Variants in COL23A1 observed in about 807,000 individuals in gnomAD.
COL23A1 encodes the protein collagen alpha-1(XXIII) chain.
COL23A1 carries 97 observed loss-of-function variants against 99.3 expected under a neutral mutation model. The observed-to-expected ratio is 0.98, with a 90% confidence interval of 0.83 to 1.16. The LOEUF is 1.16. COL23A1 is among the 50% of genes most tolerant of loss of function. COL23A1 has a pLI of 0.00. For missense variants in COL23A1, 762 were observed against 757.4 expected (o/e 1.01, Z -0.07); for synonymous variants, 320 against 308.2 (o/e 1.04, Z -0.40).
At chr5:178,311,932 TG>T (rs1273890099) in intron 2 of COL23A1, among the ~76,000 whole-genome samples, 1 of 151,992 alleles carries the variant, frequency 6.6e-6, no homozygotes, top group East Asian at 1.9e-4. Flanking sequence ...AGTTTCACCA[TG>T]TTGGCCAGGC....
Position 178,434,598 on chromosome 5 carries a change from G to A in COL23A1, c.361+126084C>T, listed in dbSNP as rs996995237. 1.3e-5 allele frequency among the ~76,000 whole-genome samples: 2 copies of A among 152,232 alleles called. No individual in the cohort carries two copies. The highest frequency in any genetic ancestry group is 4.8e-5 in the African/African-American group (2 of 41,460). On this transcript the variant is annotated intron_variant, in intron 2 of 28. Coordinates refer to ENST00000390654, the MANE Select transcript of COL23A1 (RefSeq NM_173465.4). The surrounding 1 kb of genome is among the most constrained non-coding windows in gnomAD (Gnocchi z 4.3). ...TGGCGCTCTTCCTGGGACCCCAGCT[G>A]GGCGCCTGGCCTTGCATCCCAGGTG...
chr5:178,432,210 G>C (rs1458302546), intron 2 of COL23A1, among the ~76,000 whole-genome samples: 1 of 152,162 alleles, frequency 6.6e-6, no homozygotes, highest in Non-Finnish European at 1.5e-5. Flanking sequence ...TCAGGAAAAA[G>C]TCCTCACATT....
rs542957471 is a variant in COL23A1 at position 178,291,548 on chromosome 5, T to C, written c.407-1179A>G. 3.3e-5 allele frequency among the ~76,000 whole-genome samples: 5 copies of C among 152,288 alleles called. No individual in the cohort carries two copies. In the South Asian group the frequency reaches 1.0e-3, roughly 32 times the overall value. On this transcript the variant is annotated intron_variant, in intron 3 of 28. Transcript: ENST00000390654. ...TTGAGGATCCAGGAGAAGTGAAGGC[T>C]GCTGCAGCAGCGGGAGGGCCGGAGA...
intron 25 of COL23A1, among the ~76,000 whole-genome samples, chr5:178,245,453 A>G (rs1483932318): frequency 6.8e-6 from 1 of 147,330 alleles, no homozygotes; most frequent in Non-Finnish European, 1.5e-5. Context: ...TTCTTCCATT[A>G]TCCATCCACC....
chr5:178,441,903 G>T (rs1400676233), intron 2 of COL23A1, among the ~76,000 whole-genome samples: 1 of 152,146 alleles, frequency 6.6e-6, no homozygotes, highest in African/African-American at 2.4e-5. Context: ...GGAGGACTGG[G>T]GTTTTGTGGA....
chr5:178,375,019 C>T (rs750855563), intron 2 of COL23A1, among the ~76,000 whole-genome samples: 1 of 152,128 alleles, frequency 6.6e-6, no homozygotes, highest in Non-Finnish European at 1.5e-5. Context: ...TGGCGACAAC[C>T]GAAATCACCG....
In COL23A1 at chr5:178,348,268, G is replaced by A. The variant is rs940504830; in HGVS notation, c.362-41349C>T. 3.3e-5 allele frequency among the ~76,000 whole-genome samples: 5 copies of A among 152,280 alleles called. No individual in the cohort carries two copies. In the East Asian group the frequency reaches 7.7e-4, roughly 24 times the overall value. ...CTCTGTGTTCCCACGCACTCGGGGC[G>A]ACTCTGGGCTATGATCACCTGCTTT... is the stretch of plus-strand genomic sequence containing the variant. On this transcript the variant is annotated intron_variant, in intron 2 of 28. Transcript: ENST00000390654.
chr5:178,311,507 C>CTTTCCTCT (rs1554136344), intron 2 of COL23A1, among the ~76,000 whole-genome samples: 1 of 26,062 alleles, frequency 3.8e-5, no homozygotes, highest in South Asian at 1.3e-3. Flanking sequence ...TGTGTGTGTG[C>CTTTCCTCT]GCGTGTGTGT....
At chr5:178,277,441 G>A (rs955548800) in intron 5 of COL23A1, among the ~76,000 whole-genome samples, 8 of 152,218 alleles carry the variant, frequency 5.3e-5, no homozygotes, top group African/African-American at 1.4e-4. Context: ...TTACATAAAC[G>A]TCCAGAGTTT....
chr5:178,263,322 T>C lies in COL23A1; in HGVS notation c.525A>G (p.Gly175=), dbSNP rs764742451. The change falls in exon 9 of 29, where the codon GGA becomes GGG. Residue 175 remains glycine, a splice_region_variant and synonymous_variant. Transcript: ENST00000390654. The stretch of plus-strand genomic sequence containing the variant: ...CAGCAGCTCCATCTTGTCCTTGGTC[T>C]CCCTGAAAGAGATGGGGCTTGGCAT... ...KGAPGDFGPR[G]DQGQDGAAGP... The C allele has an allele frequency of 6.3e-7, 1 of 1,582,104 alleles. No homozygotes were observed. Among genetic ancestry groups the C allele is most frequent in the Middle Eastern group, 1.8e-4 (1 of 5,432 alleles).
At chr5:178,269,154 AC>A (rs1368301303) in intron 6 of COL23A1, among the ~76,000 whole-genome samples, 4 of 152,112 alleles carry the variant, frequency 2.6e-5, no homozygotes, top group Non-Finnish European at 5.9e-5. Flanking sequence ...CAGGCAGTAG[AC>A]AGAGATTCTC....
intron 16 of COL23A1, among the ~76,000 whole-genome samples, chr5:178,253,291 C>T (rs2973750): frequency 6.6e-6 from 1 of 150,750 alleles, no homozygotes; most frequent in African/African-American, 2.4e-5. Context: ...TCCCCTCCCA[C>T]CTCCCTATCC....
chr5:178,269,350 C>T (rs1406729804), intron 6 of COL23A1, among the ~76,000 whole-genome samples: 4 of 38,462 alleles, frequency 1.0e-4, no homozygotes, highest in Non-Finnish European at 1.7e-4. Context: ...CATCCATCCA[C>T]CCACCCACCC....
rs1480481254 is a variant in COL23A1, at chr5:178,403,127, T to TAA, written c.362-96210_362-96209dup. ...CCATCTCAAAAAAAAAAAAAATAAATAAATAAAAAATAAATACCATTTACC... is the reference window on the plus strand; with the variant it reads ...CCATCTCAAAAAAAAAAAAAATAAATAAAAATAAAAAATAAATACCATTTACC... On this transcript the variant is annotated intron_variant, in intron 2 of 28. Transcript: ENST00000390654. 1.5e-4 allele frequency among the ~76,000 whole-genome samples: 8 copies of TAA among 52,804 alleles called. 1 individual carries two copies. Among genetic ancestry groups the TAA allele is most frequent in the African/African-American group, 6.8e-4 (8 of 11,716 alleles). 34.6% of individuals were successfully genotyped at this position (52,804 alleles called of 152,430 possible). A position where few individuals can be genotyped will look rare whatever the true frequency, so the allele number is the denominator to read the frequency against.
chr5:178,510,664 CAAT>C (rs1759151836), intron 2 of COL23A1, among the ~76,000 whole-genome samples: 1 of 146,504 alleles, frequency 6.8e-6, no homozygotes, highest in South Asian at 2.2e-4. Context: ...ACTTAAAGTA[CAAT>C]AATAATAAAA....
In COL23A1 at chr5:178,268,771, T is replaced by C. The variant is rs1351763888; in HGVS notation, c.469-15A>G. Reference sequence around the variant, plus strand: ...CCTGGAAGTCCCTGGAAAAGGAAAGTGGAGAAAGAACAGACCTGAGTGAGG... The same window carrying C: ...CCTGGAAGTCCCTGGAAAAGGAAAGCGGAGAAAGAACAGACCTGAGTGAGG... On this transcript the variant is annotated splice_polypyrimidine_tract_variant and intron_variant, in intron 6 of 28. Coordinates refer to ENST00000390654, the MANE Select transcript of COL23A1 (RefSeq NM_173465.4). The C allele has an allele frequency of 1.2e-6, 2 of 1,603,176 alleles. No homozygotes were observed. The highest frequency in any genetic ancestry group is 1.7e-6 in the Non-Finnish European group (2 of 1,173,358).
intron 2 of COL23A1, among the ~76,000 whole-genome samples, chr5:178,382,104 GA>G (rs35931019): frequency 0.05 from 7,653 of 152,074 alleles, 230 homozygotes; most frequent in Middle Eastern, 0.065. Flanking sequence ...TCTTCGGGGG[GA>G]ATGGGTGGGG....
Position 178,330,357 on chromosome 5 carries a change from G to A in COL23A1, c.362-23438C>T, listed in dbSNP as rs117723204. ...CCGTCTGAAGCCTCCCTCTGCACAC[G>A]GGTGCAGATCGAGCTATGGCTGAGC... is the stretch of plus-strand genomic sequence containing the variant. On this transcript the variant is annotated intron_variant, in intron 2 of 28. Transcript: ENST00000390654. Among the ~76,000 whole-genome samples, 100 of 152,314 alleles carry A rather than the reference G, an allele frequency of 6.6e-4. No individual in the cohort carries two copies. The East Asian group carries it at 0.017, about 25-fold the overall frequency.
At chr5:178,314,402 G>A (rs1032643504) in intron 2 of COL23A1, among the ~76,000 whole-genome samples, 10 of 152,078 alleles carry the variant, frequency 6.6e-5, no homozygotes, top group African/African-American at 2.4e-4. Context: ...TTGGAACAAC[G>A]GTTACTGTCC....
Sources: gnomAD v4.1 joint callset for allele counts (sites outside exome capture counted in the v4.1 genomes callset) on GRCh38, gnomAD v4.1.1 for gene constraint, Gnocchi (gnomAD v3.1) non-coding constraint, MANE v1.5 for transcripts, NCBI Gene and HGNC (gene_info 2026-07-23, HGNC 2026-07-21) for gene names.